The following NPAS3 variants were observed in gnomAD, a reference collection of about 807,000 sequenced individuals.
The protein encoded by NPAS3 is neuronal PAS domain protein 3, also known as neuronal PAS domain-containing protein 3.
In NPAS3, 14 loss-of-function variants were observed where a neutral mutation model predicts 73.1. The observed-to-expected ratio is 0.19, with a 90% confidence interval of 0.13 to 0.30. NPAS3 has a LOEUF of 0.30. NPAS3 is among the 10% of genes least tolerant of loss of function. The probability of loss-of-function intolerance (pLI) is 1.00; values close to 1 mark genes in which losing one functional copy is unlikely to be tolerated. For synonymous variants in NPAS3, 620 were observed against 541.5 expected (o/e 1.14, Z -2.01); for missense variants, 1,096 against 1,250.0 (o/e 0.88, Z 1.86).
In NPAS3 at chr14:33,130,655, C is replaced by T. The variant is rs537251638; in HGVS notation, c.140+74661C>T. Among the ~76,000 whole-genome samples, 264 of 152,184 alleles carry T rather than the reference C, an allele frequency of 1.7e-3. 2 individuals are homozygous for T. The highest frequency in any genetic ancestry group is 6.1e-3 in the African/African-American group (254 of 41,534). ...TTATAACAAGTGAATGGGGGAAATG[C>T]AATTATTTTCTTATGCTTTTAGGAG... is the stretch of plus-strand genomic sequence containing the variant. On this transcript the variant is annotated intron_variant, in intron 2 of 11. Transcript: ENST00000356141.
chr14:33,794,801 C>T (rs574634233), intron 10 of NPAS3, among the ~76,000 whole-genome samples: 19 of 152,042 alleles, frequency 1.2e-4, no homozygotes, highest in Non-Finnish European at 2.2e-4. Context: ...GAAAAGTAAC[C>T]AAGACCCACA....
intron 1 of NPAS3, among the ~76,000 whole-genome samples, chr14:33,008,225 T>C (rs774113377): frequency 2.6e-5 from 4 of 152,152 alleles, no homozygotes; most frequent in Non-Finnish European, 4.4e-5. Flanking sequence ...TGTGGAAATC[T>C]GCACGGTTAA....
At chr14:33,507,051 G>A (rs531303250) in intron 4 of NPAS3, among the ~76,000 whole-genome samples, 23 of 152,024 alleles carry the variant, frequency 1.5e-4, no homozygotes, top group Non-Finnish European at 2.5e-4. Context: ...GAGGAGTGAC[G>A]TAAAAGAGCC....
chr14:32,938,985 G>A (rs868757386), upstream of NPAS3, among the ~76,000 whole-genome samples: 2 of 146,282 alleles, frequency 1.4e-5, no homozygotes, highest in South Asian at 2.1e-4. Flanking sequence ...AGCAGCGGGA[G>A]GAGAAGGCGC....
At chr14:33,179,292 C>A (rs2139429415) in intron 2 of NPAS3, among the ~76,000 whole-genome samples, 1 of 152,152 alleles carries the variant, frequency 6.6e-6, no homozygotes, top group Admixed American at 6.5e-5. Flanking sequence ...TGAGAAATGA[C>A]AAAACATTTG....
At chr14:32,939,746 G>T (rs1184029981) in intron 1 of NPAS3, among the ~76,000 whole-genome samples, 2 of 152,018 alleles carry the variant, frequency 1.3e-5, no homozygotes. Flanking sequence ...GATCCCCGGG[G>T]CCGCCGCAGG....
intron 2 of NPAS3, among the ~76,000 whole-genome samples, chr14:33,198,834 G>T (rs549797802): frequency 2.0e-5 from 3 of 152,224 alleles, no homozygotes; most frequent in South Asian, 2.1e-4. Flanking sequence ...AGCCCACTGT[G>T]GGGGAGCTTG....
At chr14:33,605,571 T>C (rs966768956) in intron 5 of NPAS3, among the ~76,000 whole-genome samples, 2 of 152,134 alleles carry the variant, frequency 1.3e-5, no homozygotes, top group African/African-American at 2.4e-5. Context: ...AAAAATCAAG[T>C]ATATTTTTAC....
At chr14:33,309,988 T>C (rs1458851620) in intron 3 of NPAS3, among the ~76,000 whole-genome samples, 2 of 152,174 alleles carry the variant, frequency 1.3e-5, no homozygotes, top group Non-Finnish European at 2.9e-5. Context: ...ATTGTCTTCA[T>C]ACCGTTGGTA....
chr14:33,374,492 TAA>T (rs1555383792), intron 4 of NPAS3, among the ~76,000 whole-genome samples: 4 of 151,408 alleles, frequency 2.6e-5, no homozygotes, highest in South Asian at 4.2e-4. Flanking sequence ...AAGTTTTTTT[TAA>T]AAAAAAATCA....
chr14:32,995,376 C>G (rs1374388364), intron 1 of NPAS3, among the ~76,000 whole-genome samples: 3 of 152,344 alleles, frequency 2.0e-5, no homozygotes, highest in African/African-American at 7.2e-5. Context: ...GCCTACTTCT[C>G]TGATTCCCAC....
chr14:33,776,231 C>A (rs548760420), intron 8 of NPAS3, among the ~76,000 whole-genome samples: 2 of 152,076 alleles, frequency 1.3e-5, no homozygotes, highest in Non-Finnish European at 2.9e-5. Flanking sequence ...GAGATCCAAC[C>A]AGGGAAGACA....
intron 4 of NPAS3, among the ~76,000 whole-genome samples, chr14:33,556,407 C>A (rs1406679592): frequency 6.6e-6 from 1 of 152,184 alleles, no homozygotes; most frequent in African/African-American, 2.4e-5. Flanking sequence ...TAATCTAAGT[C>A]CATAAGCTGG....
At chr14:33,115,770 T>C (rs1034242322) in intron 2 of NPAS3, among the ~76,000 whole-genome samples, 41 of 152,146 alleles carry the variant, frequency 2.7e-4, no homozygotes, top group Non-Finnish European at 4.0e-4. Context: ...TTGGTTTCCA[T>C]GTACAGTGGT....
At chr14:33,506,325 G>T (rs1182074872) in intron 4 of NPAS3, among the ~76,000 whole-genome samples, 5 of 151,980 alleles carry the variant, frequency 3.3e-5, no homozygotes, top group African/African-American at 1.2e-4. Context: ...ACAGAAGCAG[G>T]AGGTATCTTT....
intron 6 of NPAS3, among the ~76,000 whole-genome samples, chr14:33,687,594 G>A (rs1284888482): frequency 1.3e-5 from 2 of 152,118 alleles, no homozygotes; most frequent in Non-Finnish European, 2.9e-5. Flanking sequence ...TCAAAATTAG[G>A]TAGAAACTTA....
chr14:33,487,650 GA>G (rs2051677173), intron 4 of NPAS3, among the ~76,000 whole-genome samples: 1 of 152,108 alleles, frequency 6.6e-6, no homozygotes. Flanking sequence ...AACTTATTTA[GA>G]AAAACAGCTT....
At chr14:33,330,272 C>G (rs750503354) in intron 3 of NPAS3, among the ~76,000 whole-genome samples, 1 of 152,124 alleles carries the variant, frequency 6.6e-6, no homozygotes, top group Non-Finnish European at 1.5e-5. Flanking sequence ...ACAACAACAA[C>G]AAAAAACACT....
At chr14:33,562,251 C>A (rs1156692000) in intron 5 of NPAS3, among the ~76,000 whole-genome samples, 1 of 152,212 alleles carries the variant, frequency 6.6e-6, no homozygotes, top group Non-Finnish European at 1.5e-5. Context: ...ATAATTGACG[C>A]TTCTGTGAAA....
Sources: gnomAD v4.1 joint callset for allele counts (sites outside exome capture counted in the v4.1 genomes callset) on GRCh38, gnomAD v4.1.1 for gene constraint, MANE v1.5 for transcripts, NCBI Gene and HGNC (gene_info 2026-07-23, HGNC 2026-07-21) for gene names.